The following MAGI2 variants were observed in gnomAD, a reference collection of about 807,000 sequenced individuals.
The protein encoded by MAGI2 is membrane associated guanylate kinase, WW and PDZ domain containing 2.
In MAGI2, 35 loss-of-function variants were observed where a neutral mutation model predicts 133.3. The ratio of observed to expected loss-of-function variants is 0.26; its 90% CI spans 0.20 to 0.35. The LOEUF (loss-of-function observed/expected upper bound fraction) is 0.35. MAGI2 is among the 10% of genes least tolerant of loss of function. The probability of loss-of-function intolerance (pLI) is 1.00; values close to 1 mark genes in which losing one functional copy is unlikely to be tolerated. For missense variants in MAGI2, 1,636 were observed against 1,863.4 expected (o/e 0.88, Z 2.25); for synonymous variants, 729 against 710.6 (o/e 1.03, Z -0.41).
intron 2 of MAGI2, among the ~76,000 whole-genome samples, chr7:78,975,086 G>T (rs971686337): frequency 4.0e-5 from 6 of 151,618 alleles, no homozygotes; most frequent in Non-Finnish European, 8.9e-5. Flanking sequence ...GAGAGTTGGA[G>T]ACTCCAAAAT....
chr7:79,254,088 A>G (rs1341967430), intron 1 of MAGI2, among the ~76,000 whole-genome samples: 2 of 151,158 alleles, frequency 1.3e-5, no homozygotes, highest in Admixed American at 6.6e-5. Flanking sequence ...TTTTTTTTCA[A>G]TCATATATGG....
chr7:79,261,270 T>C (rs1378802535), intron 1 of MAGI2, among the ~76,000 whole-genome samples: 1 of 152,212 alleles, frequency 6.6e-6, no homozygotes, highest in Non-Finnish European at 1.5e-5. Flanking sequence ...TTCAAATTTA[T>C]TGTCCCTTGA....
intron 2 of MAGI2, among the ~76,000 whole-genome samples, chr7:78,979,232 C>T (rs1261784918): frequency 6.6e-6 from 1 of 151,730 alleles, no homozygotes; most frequent in Non-Finnish European, 1.5e-5. Flanking sequence ...ACTTCTAACA[C>T]CATCCTCCAA....
intron 3 of MAGI2, among the ~76,000 whole-genome samples, chr7:78,522,568 T>G (rs1454258266): frequency 6.6e-6 from 1 of 151,930 alleles, no homozygotes. Context: ...TTAGTAGAGA[T>G]AGGGTTTTGC....
chr7:79,420,592 G>A (rs1846886111), intron 1 of MAGI2, among the ~76,000 whole-genome samples: 1 of 151,876 alleles, frequency 6.6e-6, no homozygotes, highest in Admixed American at 6.6e-5. Flanking sequence ...GGTTTCTCTA[G>A]GCACATATTA....
chr7:78,676,053 G>T (rs1050810965), intron 2 of MAGI2, among the ~76,000 whole-genome samples: 3 of 152,032 alleles, frequency 2.0e-5, no homozygotes, highest in African/African-American at 7.2e-5. Context: ...GCTAGCTTTG[G>T]ACAAGGGCAA....
chr7:79,131,738 G>A (rs369877579), intron 1 of MAGI2, among the ~76,000 whole-genome samples: 4 of 152,034 alleles, frequency 2.6e-5, no homozygotes, highest in South Asian at 2.1e-4. Context: ...CATGTCTTTC[G>A]TTTTTGAATT....
At chr7:78,125,655 T>C (rs570874473) in intron 20 of MAGI2, 39 bp downstream of exon 20, 16 of 1,604,092 alleles carry the variant, frequency 1.0e-5, no homozygotes, top group Non-Finnish European at 1.3e-5. Flanking sequence ...GGTTTTTCTT[T>C]CAGAATTAAG....
chr7:78,035,698 G>A (rs1056460365), intron 21 of MAGI2, among the ~76,000 whole-genome samples: 6 of 150,998 alleles, frequency 4.0e-5, no homozygotes, highest in Non-Finnish European at 7.4e-5. Context: ...CCTGTATTCT[G>A]CTTCCTAAAA....
intron 1 of MAGI2, among the ~76,000 whole-genome samples, chr7:79,138,508 C>G (rs560776719): frequency 2.6e-5 from 4 of 152,286 alleles, no homozygotes; most frequent in Admixed American, 2.6e-4. Context: ...TCTCAAGGCC[C>G]TCCTTCCATA....
chr7:78,230,338 T>G (rs553798726), intron 10 of MAGI2, among the ~76,000 whole-genome samples: 4 of 152,364 alleles, frequency 2.6e-5, no homozygotes, highest in African/African-American at 9.6e-5. Context: ...TTCTAAAGGA[T>G]GAGAGTGATA....
chr7:79,012,496 GGA>G (rs143103107), intron 1 of MAGI2, among the ~76,000 whole-genome samples: 12 of 152,158 alleles, frequency 7.9e-5, no homozygotes, highest in East Asian at 7.7e-4. Flanking sequence ...AAGCTTCCCA[GGA>G]GAGAGTGTTT....
chr7:78,451,586 T>A (rs1788730181), intron 6 of MAGI2, among the ~76,000 whole-genome samples: 1 of 152,050 alleles, frequency 6.6e-6, no homozygotes, highest in African/African-American at 2.4e-5. Context: ...AGCTGAGGAA[T>A]CTTGGGCATG....
intron 2 of MAGI2, among the ~76,000 whole-genome samples, chr7:78,629,220 TTGAG>T (rs1435269570): frequency 2.0e-5 from 3 of 152,162 alleles, no homozygotes; most frequent in African/African-American, 7.2e-5. Context: ...ACCTCTGTGA[TTGAG>T]TTCTTCCTTC....
chr7:78,793,048 T>C (rs942518381), intron 2 of MAGI2, among the ~76,000 whole-genome samples: 2 of 152,224 alleles, frequency 1.3e-5, no homozygotes, highest in Non-Finnish European at 2.9e-5. Context: ...TTTGGCTAAA[T>C]GTATAAGCGT....
chr7:78,975,208 T>C (rs1804140364), intron 2 of MAGI2, among the ~76,000 whole-genome samples: 1 of 151,728 alleles, frequency 6.6e-6, no homozygotes, highest in African/African-American at 2.4e-5. Flanking sequence ...CAATAGTCCA[T>C]CTAACAAGAG....
intron 9 of MAGI2, among the ~76,000 whole-genome samples, chr7:78,335,825 G>A (rs1411214426): frequency 6.6e-6 from 1 of 152,098 alleles, no homozygotes; most frequent in African/African-American, 2.4e-5. Context: ...ATATATTTAT[G>A]GTACATTACT....
intron 2 of MAGI2, among the ~76,000 whole-genome samples, chr7:78,637,171 A>T (rs1020573901): frequency 5.9e-5 from 9 of 152,226 alleles, no homozygotes; most frequent in Non-Finnish European, 7.3e-5. Flanking sequence ...CCGGATTCAC[A>T]GAAAATAAGC....
chr7:79,026,749 C>T (rs999950019), intron 1 of MAGI2, among the ~76,000 whole-genome samples: 3 of 151,932 alleles, frequency 2.0e-5, no homozygotes, highest in East Asian at 1.9e-4. Flanking sequence ...TGGTGCATGC[C>T]TGTAGTCCCA....
Sources: gnomAD v4.1 joint callset for allele counts (sites outside exome capture counted in the v4.1 genomes callset) on GRCh38, gnomAD v4.1.1 for gene constraint, MANE v1.5 for transcripts, NCBI Gene and HGNC (gene_info 2026-07-23, HGNC 2026-07-21) for gene names.